FER1L6: variants seen among roughly 807,000 people sequenced by gnomAD.
The protein encoded by FER1L6 is fer-1 like family member 6.
A neutral mutation model predicts 219.2 loss-of-function variants in FER1L6; 177 were observed. That is an observed-to-expected ratio of 0.81 (90% CI 0.71 to 0.91). The LOEUF is 0.91. FER1L6 is among the 40% of genes least tolerant of loss of function. The pLI is 0.00. For synonymous variants in FER1L6, 768 were observed against 824.3 expected (o/e 0.93, Z 1.17); for missense variants, 2,153 against 2,259.9 (o/e 0.95, Z 0.96).
chr8:123,979,398 A>G (rs770196033), intron 10 of FER1L6, among the ~76,000 whole-genome samples: 2 of 152,184 alleles, frequency 1.3e-5, no homozygotes, highest in Non-Finnish European at 2.9e-5. Context: ...GGTACTATTA[A>G]CATCTCCCTT....
At chr8:123,936,460 C>CTTTTTTT (rs1319403886) in intron 1 of FER1L6, among the ~76,000 whole-genome samples, 1 of 88,012 alleles carries the variant, frequency 1.1e-5, no homozygotes, top group African/African-American at 4.9e-5. Flanking sequence ...TAATTGCAGC[C>CTTTTTTT]TGTTTTTTTT....
At chr8:124,050,956 C>A (rs1819992101) in intron 22 of FER1L6, among the ~76,000 whole-genome samples, 1 of 152,000 alleles carries the variant, frequency 6.6e-6, no homozygotes, top group African/African-American at 2.4e-5. Context: ...TTTCAGAAAT[C>A]CCAATTTAAA....
intron 1 of FER1L6, among the ~76,000 whole-genome samples, chr8:123,900,885 G>A (rs1812844128): frequency 6.6e-6 from 1 of 152,136 alleles, no homozygotes; most frequent in African/African-American, 2.4e-5. Context: ...TTTTTGATAT[G>A]TTGTTGGATT....
intron 5 of FER1L6, among the ~76,000 whole-genome samples, chr8:123,969,625 T>C (rs1423950348): frequency 6.6e-6 from 1 of 152,126 alleles, no homozygotes; most frequent in African/African-American, 2.4e-5. Flanking sequence ...ACATATCCTA[T>C]GCAAGAATGT....
chr8:123,931,698 G>A lies in FER1L6; in HGVS notation c.-7-24294G>A, dbSNP rs781341650. 3.3e-5 allele frequency among the ~76,000 whole-genome samples: 5 copies of A among 152,186 alleles called. No homozygotes were observed. The East Asian group carries it at 5.8e-4, about 18-fold the overall frequency. The stretch of plus-strand genomic sequence containing the variant: ...TCTTCCATCCCCAATTTCTCTACAA[G>A]TGACATCATCAACAATTCATTATGT... On this transcript the variant is annotated intron_variant, in intron 1 of 40. Transcript: ENST00000522917.
intron 10 of FER1L6, among the ~76,000 whole-genome samples, chr8:123,980,137 T>C (rs1280044171): frequency 6.6e-6 from 1 of 152,266 alleles, no homozygotes; most frequent in African/African-American, 2.4e-5. Context: ...CAGCAGGCTC[T>C]GTTTAGTATC....
At chr8:124,095,751 A>T (rs530689599) in intron 35 of FER1L6, among the ~76,000 whole-genome samples, 2 of 152,320 alleles carry the variant, frequency 1.3e-5, no homozygotes, top group African/African-American at 4.8e-5. Flanking sequence ...ACACACCATG[A>T]TTTTCCTAAA....
At chr8:123,925,350 G>A (rs1249010554) in intron 1 of FER1L6, among the ~76,000 whole-genome samples, 1 of 152,172 alleles carries the variant, frequency 6.6e-6, no homozygotes, top group Non-Finnish European at 1.5e-5. Context: ...CCAAGTAGCA[G>A]GATAGAAGAA....
chr8:123,913,719 G>C (rs1224097470), intron 1 of FER1L6, among the ~76,000 whole-genome samples: 1 of 151,972 alleles, frequency 6.6e-6, no homozygotes, highest in East Asian at 1.9e-4. Flanking sequence ...TTGAGGGCTG[G>C]GCAAAATAAT....
chr8:124,062,103 G>T, intron 25 of FER1L6, 71 bp downstream of exon 25: 9 of 1,541,158 alleles, frequency 5.8e-6, no homozygotes, highest in Non-Finnish European at 8.0e-6. Context: ...CCTGCTGTGG[G>T]ATTGGCTCAA....
chr8:123,888,677 G>A (rs1817249092), intron 1 of FER1L6, among the ~76,000 whole-genome samples: 1 of 152,120 alleles, frequency 6.6e-6, no homozygotes, highest in Non-Finnish European at 1.5e-5. Flanking sequence ...TTGATTCACA[G>A]CCTTCCCTGG....
intron 33 of FER1L6, among the ~76,000 whole-genome samples, chr8:124,083,599 AT>A (rs1307240145): frequency 2.0e-5 from 3 of 150,402 alleles, no homozygotes; most frequent in African/African-American, 7.4e-5. Context: ...GAAAAGAACT[AT>A]AAAAAGACAA....
chr8:123,926,411 C>T (rs1026280145), intron 1 of FER1L6, among the ~76,000 whole-genome samples: 5 of 152,146 alleles, frequency 3.3e-5, no homozygotes, highest in Non-Finnish European at 7.3e-5. Context: ...GTCTGGCTCC[C>T]GTGCACAAGG....
chr8:124,061,720 G>C, intron 24 of FER1L6, 132 bp from the exon 25 acceptor site: 3 of 774,208 alleles, frequency 3.9e-6, no homozygotes, highest in Non-Finnish European at 6.3e-6. Context: ...CAGAGTTTTG[G>C]CAATCTGCAG....
At chr8:124,029,114 C>CT (rs1818845789) in intron 18 of FER1L6, among the ~76,000 whole-genome samples, 1 of 152,148 alleles carries the variant, frequency 6.6e-6, no homozygotes, top group African/African-American at 2.4e-5. Context: ...TGATCTCATT[C>CT]TTTTTTATGG....
chr8:124,035,057 C>T (rs1184837628), intron 18 of FER1L6, among the ~76,000 whole-genome samples: 1 of 152,174 alleles, frequency 6.6e-6, no homozygotes, highest in Admixed American at 6.5e-5. Flanking sequence ...CAGGTTTAAG[C>T]TTTAGGTCCC....
intron 1 of FER1L6, among the ~76,000 whole-genome samples, chr8:123,910,580 C>CA (rs1813033445): frequency 6.6e-6 from 1 of 151,152 alleles, no homozygotes; most frequent in Non-Finnish European, 1.5e-5. Context: ...TGAGTTAGCT[C>CA]TTTTTTTTTG....
intron 10 of FER1L6, among the ~76,000 whole-genome samples, chr8:123,979,322 C>A (rs781532455): frequency 9.9e-5 from 15 of 152,162 alleles, no homozygotes; most frequent in Non-Finnish European, 1.5e-4. Context: ...AGCGGAAATT[C>A]TTTTACCTGA....
chr8:124,069,329 G>A (rs1399839053), intron 28 of FER1L6, 31 bp from the exon 29 acceptor site: 2 of 1,532,724 alleles, frequency 1.3e-6, no homozygotes, highest in African/African-American at 2.7e-5. Context: ...CAACCGCCAT[G>A]AGAAACCTAA....
Sources: allele counts gnomAD v4.1 joint callset (sites outside exome capture counted in the v4.1 genomes callset), GRCh38; gene constraint gnomAD v4.1.1; transcripts MANE v1.5; gene names NCBI Gene and HGNC (gene_info 2026-07-23, HGNC 2026-07-21).